Variants in KLHDC2 observed in about 807,000 individuals in gnomAD.
KLHDC2 encodes the protein kelch domain containing 2.
In KLHDC2, 38 loss-of-function variants were observed where a neutral mutation model predicts 62.3. The ratio of observed to expected loss-of-function variants is 0.61; its 90% CI spans 0.47 to 0.80. The LOEUF (loss-of-function observed/expected upper bound fraction) is 0.80. Ranked by LOEUF, KLHDC2 falls within the 30% of genes least tolerant of loss-of-function variation. The pLI, the probability that KLHDC2 is intolerant of heterozygous loss-of-function variation, is 0.00. For missense variants in KLHDC2, 430 were observed against 495.3 expected, an observed-to-expected ratio of 0.87 and a Z score of 1.25; for synonymous variants, 159 against 161.0, an observed-to-expected ratio of 0.99 and a Z score of 0.09.
In KLHDC2 at chr14:49,779,686, A is replaced by C. The variant is rs1889847252; in HGVS notation, c.714+11A>C. 6 of 1,613,228 alleles carry C rather than the reference A, an allele frequency of 3.7e-6. No homozygotes were observed. Among genetic ancestry groups the C allele is most frequent in the Non-Finnish European group, 5.1e-6 (6 of 1,179,264 alleles). ...GGAGGCAGATATCGAGTAAGTATTC[A>C]AACGACTTCAATGACTTGCTTTTGA... On this transcript the variant is annotated intron_variant, in intron 7 of 12. Coordinates refer to ENST00000298307, the MANE Select transcript of KLHDC2 (RefSeq NM_014315.3).
At chr14:49,774,139 AAG>A (rs1889722703) in intron 2 of KLHDC2, among the ~76,000 whole-genome samples, 1 of 152,226 alleles carries the variant, frequency 6.6e-6, no homozygotes, top group South Asian at 2.1e-4. Context: ...GAACAGCTAA[AAG>A]GGGACTGAAG....
chr14:49,782,658 T>C (rs1314163179), intron 12 of KLHDC2, 64 bp downstream of exon 12: 5 of 1,414,338 alleles, frequency 3.5e-6, no homozygotes, highest in East Asian at 2.3e-5. Flanking sequence ...CTTAGCACTC[T>C]CGAAAAACTA....
chr14:49,778,442 A>T lies in KLHDC2; in HGVS notation c.581A>T (p.His194Leu). The T allele has an allele frequency of 6.3e-7, 1 of 1,586,878 alleles. No homozygotes were observed. The change falls in exon 6 of 13, where the codon CAT becomes CTT. Residue 194 changes from histidine to leucine, a missense_variant. By Grantham distance (99) the His-to-Leu change is moderately conservative (BLOSUM62 -3). Coordinates refer to ENST00000298307, the MANE Select transcript of KLHDC2 (RefSeq NM_014315.3). ...NSSHPRGWND[H>L]VHILDTETFT... ...AGTCATCCAAGAGGATGGAATGATC[A>T]TGTACATATTTTAGATACTGAAACA...
chr14:49,784,137 A>G lies in KLHDC2; in HGVS notation c.*1184A>G, dbSNP rs1031080255. ...TATAATTAGCATTTAACTGTCCACA[A>G]ATACTTTAGGAAATCCTATCATAGT... On this transcript the variant is annotated 3_prime_UTR_variant, in exon 13 of 13. Coordinates refer to ENST00000298307, the MANE Select transcript of KLHDC2 (RefSeq NM_014315.3). The G allele has an allele frequency of 6.6e-6, 1 of 152,196 alleles. No homozygotes were observed. The highest frequency in any genetic ancestry group is 2.4e-5 in the African/African-American group (1 of 41,374). 9.4% of individuals were successfully genotyped at this position (152,196 alleles called of 1,614,324 possible).
chr14:49,783,042 T>C lies in KLHDC2; in HGVS notation c.*89T>C, dbSNP rs772813838. The C allele has an allele frequency of 4.4e-6, 6 of 1,370,020 alleles. No individual in the cohort carries two copies. The highest frequency in any genetic ancestry group is 2.4e-5 in the East Asian group (1 of 41,962). 84.9% of individuals were successfully genotyped at this position (1,370,020 alleles called of 1,614,324 possible). On this transcript the variant is annotated 3_prime_UTR_variant, in exon 13 of 13. Coordinates refer to ENST00000298307, the MANE Select transcript of KLHDC2 (RefSeq NM_014315.3). ...GGCATCATTTGTATAATTATATGCA[T>C]TGTTGTAGTTTGCACCTGTTGGTTT... is the stretch of plus-strand genomic sequence containing the variant.
intron 8 of KLHDC2, 172 bp from the exon 9 acceptor site, chr14:49,780,041 T>G (rs1889855331): frequency 1.6e-6 from 1 of 623,842 alleles, no homozygotes; most frequent in Non-Finnish European, 2.8e-6. Flanking sequence ...CTGAAGTTGA[T>G]TCTAACGTCA....
At chr14:49,770,371 C>T (rs570254452) in intron 1 of KLHDC2, among the ~76,000 whole-genome samples, 1 of 152,308 alleles carries the variant, frequency 6.6e-6, no homozygotes, top group Admixed American at 6.5e-5. Context: ...ACAGGCTGGT[C>T]CCCTGTGGGT....
chr14:49,782,950 T>G lies in KLHDC2; in HGVS notation c.1218T>G (p.Ser406=). The G allele has an allele frequency of 6.2e-7, 1 of 1,611,514 alleles. No individual in the cohort carries two copies. The highest frequency in any genetic ancestry group is 8.5e-7 in the Non-Finnish European group (1 of 1,179,056). The change falls in exon 13 of 13, where the codon TCT becomes TCG. Residue 406 remains serine (S), a synonymous_variant. Coordinates refer to ENST00000298307, the MANE Select transcript of KLHDC2 (RefSeq NM_014315.3). ...QRFGSNNTSG[S] is the part of the protein sequence containing the mutation. ...TTGGTAGTAACAACACTTCTGGATC[T>G]TAAGGCTTCATAAATAATGCCTATG...
At position 49,771,577 on chromosome 14, in the gene KLHDC2, A is replaced by T. The variant is rs114533205; in HGVS notation, c.154-17A>T. 7.0e-6 allele frequency: 8 copies of T among 1,147,476 alleles called. No individual in the cohort carries two copies. Among genetic ancestry groups the T allele is most frequent in the Non-Finnish European group, 6.5e-6 (5 of 768,538 alleles). 71.1% of individuals were successfully genotyped at this position (1,147,476 alleles called of 1,614,324 possible). A position where few individuals can be genotyped will look rare whatever the true frequency, so the allele number is the denominator to read the frequency against. ...TAAAATACCAGTTTTTATATTTACAATTTTTTTTATTCTTAGAGTAATCAA... is the reference window on the plus strand; with the variant it reads ...TAAAATACCAGTTTTTATATTTACATTTTTTTTTATTCTTAGAGTAATCAA... On this transcript the variant is annotated splice_polypyrimidine_tract_variant and intron_variant, in intron 1 of 12. Coordinates refer to ENST00000298307, the MANE Select transcript of KLHDC2 (RefSeq NM_014315.3).
At chr14:49,775,769 G>A (rs1193293918) in intron 3 of KLHDC2, among the ~76,000 whole-genome samples, 1 of 152,030 alleles carries the variant, frequency 6.6e-6, no homozygotes, top group African/African-American at 2.4e-5. Flanking sequence ...TGGGATTACA[G>A]GCATGCATCA....
At position 49,784,777 on chromosome 14, in the gene KLHDC2, C is replaced by T; in HGVS notation, c.*1824C>T. 6.7e-7 allele frequency: 1 copy of T among 1,502,700 alleles called. No homozygotes were observed. The highest frequency in any genetic ancestry group is 1.2e-5 in the South Asian group (1 of 84,632). The allele number at this position is 1,502,700 out of a possible 1,614,324, so 93.1% of individuals were successfully genotyped here. A position where few individuals can be genotyped will look rare whatever the true frequency, so the allele number is the denominator to read the frequency against. On this transcript the variant is annotated 3_prime_UTR_variant, in exon 13 of 13. Transcript: ENST00000298307. Reference sequence around the variant, plus strand: ...ATGGTCAATCATGTTTCTTTTATGACAAAAACGAAAAACATTTCCAAACTT... The same window carrying T: ...ATGGTCAATCATGTTTCTTTTATGATAAAAACGAAAAACATTTCCAAACTT...
intron 3 of KLHDC2, chr14:49,775,022 G>A: frequency 1.4e-5 from 3 of 220,278 alleles, no homozygotes; most frequent in South Asian, 7.1e-5. Flanking sequence ...TGGAGGGAAG[G>A]GTAAAAATGA....
Position 49,780,739 on chromosome 14 carries a change from G to A in KLHDC2, c.920G>A (p.Trp307Ter). 6.2e-7 allele frequency: 1 copy of A among 1,608,198 alleles called. No individual in the cohort carries two copies. Among genetic ancestry groups the A allele is most frequent in the Non-Finnish European group, 8.5e-7 (1 of 1,174,794 alleles). Residue 307 changes from tryptophan (W) to a stop codon, truncating the protein, a stop_gained, in exon 10 of 13, where the codon TGG (tryptophan) becomes TAG (stop). Coordinates refer to ENST00000298307, the MANE Select transcript of KLHDC2 (RefSeq NM_014315.3). LOFTEE classifies it high-confidence loss of function. Reference protein sequence around the residue: ...AWTYCISKNEWIQFNHPYTEK... With the variant: ...AWTYCISKNE ...ACTTACTGCATCAGTAAAAATGAAT[G>A]GATACAATTTAATCATCCATATACC...
At chr14:49,781,698 TAA>T (rs768954943) in intron 10 of KLHDC2, among the ~76,000 whole-genome samples, 7 of 141,696 alleles carry the variant, frequency 4.9e-5, no homozygotes, top group Admixed American at 7.1e-5. Context: ...CTCTGTCTCT[TAA>T]AAAAAAAAAA....
intron 8 of KLHDC2, 93 bp downstream of exon 8, chr14:49,779,899 T>A: frequency 1.2e-6 from 1 of 858,104 alleles, no homozygotes; most frequent in East Asian, 2.5e-5. Flanking sequence ...GCTTAACTTT[T>A]CTTTAACTAT....
At chr14:49,775,399 A>C (rs1889749217) in intron 3 of KLHDC2, among the ~76,000 whole-genome samples, 1 of 152,200 alleles carries the variant, frequency 6.6e-6, no homozygotes, top group Non-Finnish European at 1.5e-5. Flanking sequence ...GGACACATAT[A>C]GTAAGTAAAC....
chr14:49,771,771 C>A (rs998384388), intron 2 of KLHDC2, 98 bp downstream of exon 2: 1 of 661,796 alleles, frequency 1.5e-6, no homozygotes, highest in Non-Finnish European at 2.8e-6. Context: ...GGGAGGCCAA[C>A]GCGGGCGGAT....
At chr14:49,774,509 CTT>C in intron 2 of KLHDC2, 50 bp from the exon 3 acceptor site, 1 of 1,116,788 alleles carries the variant, frequency 9.0e-7, no homozygotes, top group South Asian at 1.2e-5. Flanking sequence ...AATTAATAGA[CTT>C]TTGCATTTCT....
In KLHDC2 at chr14:49,770,317, A is replaced by G. The variant is rs907540607; in HGVS notation, c.154-1277A>G. On this transcript the variant is annotated intron_variant, in intron 1 of 12. Transcript: ENST00000298307. Reference sequence around the variant, plus strand: ...GTCCTTGGAGATTGTTTCAAAGGCAATAAACCTTGGCTTCCTACATAGTAG... The same window carrying G: ...GTCCTTGGAGATTGTTTCAAAGGCAGTAAACCTTGGCTTCCTACATAGTAG... Among the ~76,000 whole-genome samples, 22 of 152,282 alleles carry G rather than the reference A, an allele frequency of 1.4e-4. 1 individual carries two copies. Among genetic ancestry groups the G allele is most frequent in the East Asian group, 3.9e-4 (2 of 5,174 alleles).
Sources: gnomAD v4.1 joint callset for allele counts (sites outside exome capture counted in the v4.1 genomes callset) on GRCh38, gnomAD v4.1.1 for gene constraint, MANE v1.5 for transcripts, NCBI Gene and HGNC (gene_info 2026-07-23, HGNC 2026-07-21) for gene names.